Variants in COPA observed in about 807,000 individuals in gnomAD.
COPA encodes the protein coatomer subunit alpha.
A neutral mutation model predicts 158.7 loss-of-function variants in COPA; 10 were observed. That is an observed-to-expected ratio of 0.06 (90% CI 0.04 to 0.11). COPA has a LOEUF of 0.11. Ranked by LOEUF, COPA falls within the 10% of genes least tolerant of loss-of-function variation. The pLI is 1.00. For missense variants in COPA, 1,065 were observed against 1,536.7 expected (o/e 0.69, Z 5.13); for synonymous variants, 462 against 542.8 (o/e 0.85, Z 2.07).
At chr1:160,315,003 C>T (rs73029406) in intron 8 of COPA, among the ~76,000 whole-genome samples, 305 of 152,284 alleles carry the variant, frequency 2.0e-3, no homozygotes, top group African/African-American at 7.1e-3. Context: ...AAGCTGGCTT[C>T]ACTCCCCTCC....
At chr1:160,316,439 T>C (rs1264117761) in intron 8 of COPA, among the ~76,000 whole-genome samples, 1 of 151,040 alleles carries the variant, frequency 6.6e-6, no homozygotes, top group African/African-American at 2.4e-5. Context: ...ATACAGAAAA[T>C]TGCCTCAAAA....
At chr1:160,333,994 TAC>T (rs2101873477) in intron 4 of COPA, among the ~76,000 whole-genome samples, 1 of 152,290 alleles carries the variant, frequency 6.6e-6, no homozygotes, top group African/African-American at 2.4e-5. Flanking sequence ...TGTATTTATA[TAC>T]AGTTAATCAT....
intron 17 of COPA, 108 bp downstream of exon 17, chr1:160,305,325 G>T: frequency 8.5e-7 from 1 of 1,177,244 alleles, no homozygotes; most frequent in African/African-American, 1.5e-5. Flanking sequence ...GCCAGGTAAG[G>T]CTTTTCCATG....
rs772721864 is a variant in COPA at position 160,292,565 on chromosome 1, AG to A, written c.2878del (p.Leu960TyrfsTer33). ...IQFGPYKQLF[L>X]QTYARGRTTY... ...TGTGCGGCCTCGGGCGTATGTCTGT[AG>A]GAACAGTTGCTTGTAGGGGCCAAAC... On this transcript the variant is annotated frameshift_variant, in exon 28 of 33. Coordinates refer to ENST00000241704, the MANE Select transcript of COPA (RefSeq NM_004371.4). LOFTEE classifies it high-confidence loss of function. 1 of 1,613,970 alleles carries A rather than the reference AG, an allele frequency of 6.2e-7. No homozygotes were observed. Among genetic ancestry groups the A allele is most frequent in the African/African-American group, 1.3e-5 (1 of 74,930 alleles).
At chr1:160,313,483 C>T (rs1482937981) in intron 9 of COPA, among the ~76,000 whole-genome samples, 2 of 151,784 alleles carry the variant, frequency 1.3e-5, no homozygotes, top group Non-Finnish European at 2.9e-5. Flanking sequence ...GGCGCGATCT[C>T]GGCTCACTGC....
At chr1:160,326,967 C>T (rs1009194684) in intron 6 of COPA, among the ~76,000 whole-genome samples, 15 of 152,096 alleles carry the variant, frequency 9.9e-5, no homozygotes, top group African/African-American at 3.6e-4. Context: ...ATAGTCAGAA[C>T]CAAAATTATG....
At chr1:160,294,211 T>C (rs1433705193) in intron 25 of COPA, among the ~76,000 whole-genome samples, 2 of 152,168 alleles carry the variant, frequency 1.3e-5, no homozygotes, top group African/African-American at 2.4e-5. Flanking sequence ...CAGGCTGGTC[T>C]TGAACTCCTG....
In COPA at chr1:160,293,410, T is replaced by C. The variant is rs1257845398; in HGVS notation, c.2730A>G (p.Pro910=). 6.2e-7 allele frequency: 1 copy of C among 1,612,992 alleles called. No individual in the cohort carries two copies. The stretch of plus-strand genomic sequence containing the variant: ...CCTGAGTTGGACTTGTTCCCTTGGT[T>C]GGGGGCACAAAGAAACCATCTTCAG... ...GGAEDGFFVP[P]TKGTSPTQIW... The change falls in exon 26 of 33, where the codon CCA becomes CCG. Residue 910 remains proline (P), a synonymous_variant. Transcript: ENST00000241704.
intron 6 of COPA, among the ~76,000 whole-genome samples, chr1:160,326,695 A>C (rs1320768902): frequency 6.6e-6 from 1 of 152,168 alleles, no homozygotes; most frequent in African/African-American, 2.4e-5. Context: ...TAAAAAGTGT[A>C]CTCATGCCTA....
At chr1:160,314,429 G>A (rs542645921) in intron 8 of COPA, among the ~76,000 whole-genome samples, 1 of 152,242 alleles carries the variant, frequency 6.6e-6, no homozygotes, top group South Asian at 2.1e-4. Context: ...AGGAGTTCGA[G>A]ATCAGCCTGG....
At chr1:160,331,373 C>T (rs931003873) in intron 6 of COPA, among the ~76,000 whole-genome samples, 1 of 152,118 alleles carries the variant, frequency 6.6e-6, no homozygotes, top group African/African-American at 2.4e-5. Flanking sequence ...GTATTCTGGG[C>T]TAGGCACAGG....
chr1:160,327,717 G>A (rs1212858391), intron 6 of COPA, among the ~76,000 whole-genome samples: 2 of 152,014 alleles, frequency 1.3e-5, no homozygotes, highest in East Asian at 1.9e-4. Flanking sequence ...AATTAGCTGG[G>A]TGTGGTGGTG....
At chr1:160,305,235 T>G in intron 17 of COPA, 198 bp downstream of exon 17, 1 of 517,382 alleles carries the variant, frequency 1.9e-6, no homozygotes, top group South Asian at 3.1e-5. Flanking sequence ...TTTTTTAATG[T>G]AATTGTCTAT....
intron 32 of COPA, 91 bp from the exon 33 acceptor site, chr1:160,290,307 TA>T (rs1469647448): frequency 1.3e-5 from 19 of 1,467,466 alleles, no homozygotes; most frequent in Non-Finnish European, 1.8e-5. Context: ...ATGGGCACAG[TA>T]GACAGGTATT....
chr1:160,314,881 T>C (rs1659084272), intron 8 of COPA, among the ~76,000 whole-genome samples: 1 of 152,090 alleles, frequency 6.6e-6, no homozygotes, highest in South Asian at 2.1e-4. Flanking sequence ...CAATAAATAT[T>C]TGTCAAATGA....
intron 17 of COPA, among the ~76,000 whole-genome samples, chr1:160,303,272 T>TA (rs1658674152): frequency 6.6e-6 from 1 of 152,120 alleles, no homozygotes; most frequent in African/African-American, 2.4e-5. Context: ...TAACGACTTT[T>TA]AAAAAATAAA....
intron 17 of COPA, among the ~76,000 whole-genome samples, chr1:160,301,003 A>C (rs1658580750): frequency 6.6e-6 from 1 of 152,098 alleles, no homozygotes; most frequent in Non-Finnish European, 1.5e-5. Flanking sequence ...CTATAATCCC[A>C]GCTACTTGGG....
Position 160,340,104 on chromosome 1 carries a change from T to C in COPA, c.154+77A>G, listed in dbSNP as rs541233824. The C allele has an allele frequency of 5.8e-5, 86 of 1,489,840 alleles. No individual in the cohort carries two copies. The East Asian group carries it at 1.9e-3, about 33-fold the overall frequency. 92.3% of individuals were successfully genotyped at this position (1,489,840 alleles called of 1,614,324 possible). A position where few individuals can be genotyped will look rare whatever the true frequency, so the allele number is the denominator to read the frequency against. On this transcript the variant is annotated intron_variant, in intron 2 of 32. Transcript: ENST00000241704. ...CATTCTTTAATCATAGAGGAATCCA[T>C]GTCAAACAAGGCTTAAAATACCCCA...
intron 6 of COPA, among the ~76,000 whole-genome samples, chr1:160,330,554 CTT>C (rs10557846): frequency 0.033 from 5,019 of 152,308 alleles, 270 homozygotes; most frequent in African/African-American, 0.11. Context: ...CCCATCTCCT[CTT>C]GTCTTGTTTC....
Sources: gnomAD v4.1 joint callset for allele counts (sites outside exome capture counted in the v4.1 genomes callset) on GRCh38, gnomAD v4.1.1 for gene constraint, MANE v1.5 for transcripts, NCBI Gene and HGNC (gene_info 2026-07-23, HGNC 2026-07-21) for gene names.